The following PRKG1 variants were observed in gnomAD, a reference collection of about 807,000 sequenced individuals.
PRKG1 encodes cGMP-dependent protein kinase 1.
PRKG1 carries 35 observed loss-of-function variants against 88.1 expected under a neutral mutation model. The observed-to-expected ratio is 0.40, with a 90% confidence interval of 0.30 to 0.53. PRKG1 has a LOEUF of 0.53. PRKG1 is among the 20% of genes least tolerant of loss of function. The pLI is 0.59. For missense variants in PRKG1, 540 were observed against 839.8 expected (o/e 0.64, Z 4.41); for synonymous variants, 303 against 292.5 (o/e 1.04, Z -0.37).
chr10:51,945,097 T>C (rs1842995698), intron 5 of PRKG1, among the ~76,000 whole-genome samples: 1 of 150,856 alleles, frequency 6.6e-6, no homozygotes. Context: ...TCTAAGTCTC[T>C]TTGTAGGTCA....
chr10:51,425,325 C>A (rs184398888), intron 2 of PRKG1, among the ~76,000 whole-genome samples: 11 of 152,234 alleles, frequency 7.2e-5, no homozygotes, highest in Non-Finnish European at 1.6e-4. Context: ...AAAATGTGTA[C>A]ACAACTCGGT....
intron 2 of PRKG1, among the ~76,000 whole-genome samples, chr10:51,443,333 A>G (rs758571846): frequency 1.6e-4 from 24 of 152,040 alleles, no homozygotes; most frequent in Non-Finnish European, 3.2e-4. Flanking sequence ...CAGATACCAT[A>G]TGGCCTGCAA....
intron 1 of PRKG1, among the ~76,000 whole-genome samples, chr10:51,009,613 T>G (rs1356652870): frequency 1.3e-5 from 2 of 152,218 alleles, no homozygotes; most frequent in Non-Finnish European, 2.9e-5. Flanking sequence ...ATTAGTGAAT[T>G]AGTTTTATAT....
At chr10:51,520,732 T>C (rs1429980343) in intron 3 of PRKG1, among the ~76,000 whole-genome samples, 2 of 152,188 alleles carry the variant, frequency 1.3e-5, no homozygotes, top group African/African-American at 2.4e-5. Flanking sequence ...TTTTTGCATA[T>C]TGACCTCATG....
chr10:51,823,502 C>T (rs760010107), intron 4 of PRKG1, among the ~76,000 whole-genome samples: 2 of 151,802 alleles, frequency 1.3e-5, no homozygotes, highest in Non-Finnish European at 2.9e-5. Context: ...AGTGGAAGGG[C>T]ATTTCTTCTG....
chr10:52,203,285 C>CAG (rs1839724566), intron 9 of PRKG1, among the ~76,000 whole-genome samples: 1 of 152,152 alleles, frequency 6.6e-6, no homozygotes, highest in African/African-American at 2.4e-5. Context: ...CAAAGTAAAT[C>CAG]AGGAGCATGT....
At position 52,239,343 on chromosome 10, in the gene PRKG1, A is replaced by AT. The variant is rs910709394; in HGVS notation, c.1077-12225dup. Among the ~76,000 whole-genome samples, 28 of 37,328 alleles carry AT rather than the reference A, an allele frequency of 7.5e-4. No homozygotes were observed. In the South Asian group the frequency reaches 0.041, roughly 54 times the overall value. The allele number at this position is 37,328 out of a possible 152,430, so 24.5% of individuals were successfully genotyped here. A position where few individuals can be genotyped will look rare whatever the true frequency, so the allele number is the denominator to read the frequency against. The stretch of plus-strand genomic sequence containing the variant: ...TAATAAAAAAAAATAAATAAATAAA[A>AT]TTAAAAAAAAAAAAGAGATTCCTTT... On this transcript the variant is annotated intron_variant, in intron 9 of 17. Transcript: ENST00000373980.
At chr10:51,698,856 G>A (rs1189255240) in intron 3 of PRKG1, 1 of 1,614,150 alleles carries the variant, frequency 6.2e-7, no homozygotes, top group East Asian at 2.2e-5. Context: ...GGAGGATTCT[G>A]CTGGTTCAGC....
chr10:51,729,269 C>A (rs1425211815), intron 3 of PRKG1, among the ~76,000 whole-genome samples: 2 of 152,164 alleles, frequency 1.3e-5, no homozygotes, highest in Admixed American at 1.3e-4. Context: ...CAAAGCTTGG[C>A]TAGAATAGCA....
At chr10:51,982,499 A>C (rs1405011764) in intron 5 of PRKG1, among the ~76,000 whole-genome samples, 2 of 152,026 alleles carry the variant, frequency 1.3e-5, no homozygotes, top group African/African-American at 4.8e-5. Context: ...CTTTTATCCT[A>C]TTTGATGACC....
At chr10:52,133,520 T>C (rs1467828921) in intron 7 of PRKG1, among the ~76,000 whole-genome samples, 2 of 152,172 alleles carry the variant, frequency 1.3e-5, no homozygotes, top group African/African-American at 2.4e-5. Context: ...TATTTATGTT[T>C]GTTACTATCT....
At chr10:51,506,311 TA>T (rs1367144693) in intron 3 of PRKG1, among the ~76,000 whole-genome samples, 2 of 152,080 alleles carry the variant, frequency 1.3e-5, no homozygotes, top group Admixed American at 1.3e-4. Context: ...AAATGGGATC[TA>T]ATTAAACTAA....
chr10:52,118,208 A>G (rs1168874734), intron 7 of PRKG1, among the ~76,000 whole-genome samples: 2 of 151,914 alleles, frequency 1.3e-5, no homozygotes, highest in African/African-American at 2.4e-5. Flanking sequence ...GAGATAGTTC[A>G]TATTTTCTCT....
chr10:51,982,369 T>C (rs1844031970), intron 5 of PRKG1, among the ~76,000 whole-genome samples: 2 of 152,220 alleles, frequency 1.3e-5, no homozygotes, highest in South Asian at 4.1e-4. Flanking sequence ...GCGCAGTCAT[T>C]TGAAGGAAAG....
At chr10:51,766,166 A>T (rs991535319) in intron 3 of PRKG1, among the ~76,000 whole-genome samples, 1 of 152,152 alleles carries the variant, frequency 6.6e-6, no homozygotes, top group Middle Eastern at 3.2e-3. Flanking sequence ...TAAGTGAAAA[A>T]AGAAAGCTCC....
At chr10:52,109,770 AATCT>A (rs1847512981) in intron 7 of PRKG1, among the ~76,000 whole-genome samples, 9 of 152,036 alleles carry the variant, frequency 5.9e-5, no homozygotes, top group African/African-American at 1.7e-4. Context: ...CTCAAAAAAA[AATCT>A]TATCTCAAAA....
intron 1 of PRKG1, among the ~76,000 whole-genome samples, chr10:51,103,617 A>C (rs1339621729): frequency 6.6e-6 from 1 of 152,102 alleles, no homozygotes; most frequent in East Asian, 1.9e-4. Context: ...ACCAAATAAG[A>C]GGGAGGAGGG....
chr10:52,130,151 G>T (rs2132627793), intron 7 of PRKG1, among the ~76,000 whole-genome samples: 1 of 152,256 alleles, frequency 6.6e-6, no homozygotes, highest in East Asian at 1.9e-4. Flanking sequence ...TGTTTAATAT[G>T]TTGGTTTTTC....
intron 3 of PRKG1, among the ~76,000 whole-genome samples, chr10:51,480,646 C>A (rs554756088): frequency 4.6e-5 from 7 of 151,940 alleles, no homozygotes; most frequent in African/African-American, 1.7e-4. Context: ...AGCCGTGAAC[C>A]TTGACTTTAG....
Sources: gnomAD v4.1 joint callset for allele counts (sites outside exome capture counted in the v4.1 genomes callset) on GRCh38, gnomAD v4.1.1 for gene constraint, MANE v1.5 for transcripts, NCBI Gene and HGNC (gene_info 2026-07-23, HGNC 2026-07-21) for gene names.